The following PCDH1 variants were observed in gnomAD, a reference collection of about 807,000 sequenced individuals.
The protein encoded by PCDH1 is protocadherin 1, also known as protocadherin-1.
PCDH1 carries 23 observed loss-of-function variants against 74.6 expected under a neutral mutation model. The observed-to-expected ratio is 0.31, with a 90% CI of 0.22 to 0.44. PCDH1 has a LOEUF of 0.44. Among genes scored for constraint, PCDH1 ranks in the 20% least tolerant of loss-of-function variants. The pLI is 1.00. For synonymous variants in PCDH1, 647 were observed against 686.1 expected, an observed-to-expected ratio of 0.94 and a Z score of 0.89; for missense variants, 1,214 against 1,641.4, an observed-to-expected ratio of 0.74 and a Z score of 4.50.
At chr5:141,858,776 A>G (rs1596546701) in intron 3 of PCDH1, among the ~76,000 whole-genome samples, 3 of 152,202 alleles carry the variant, frequency 2.0e-5, no homozygotes, top group Non-Finnish European at 4.4e-5. Context: ...ATGAGTCTCT[A>G]AGCTCCTTCC....
Position 141,863,309 on chromosome 5 carries a change from C to T in PCDH1, c.3022G>A (p.Asp1008Asn). Residue 1008 changes from aspartate (D) to asparagine (N), a missense_variant, in exon 3 of 5, where the codon GAC becomes AAC. By Grantham distance (23) the Asp-to-Asn change is conservative (BLOSUM62 1). Transcript: ENST00000287008. The surrounding 1 kb of genome is among the most constrained non-coding windows in gnomAD (Gnocchi z 7.5). ...TGCTCAGAGCCCGTGGACGTGGTGT[C>T]CCCGGTGCCCACGAATGTGTTTGCA... ...PPANTFVGTG[D>N]TTSTGSEQYS... 1.3e-6 allele frequency: 2 copies of T among 1,559,164 alleles called. No individual in the cohort carries two copies. The highest frequency in any genetic ancestry group is 1.7e-6 in the Non-Finnish European group (2 of 1,151,826).
In PCDH1 at chr5:141,863,184, G is replaced by C; in HGVS notation, c.3099+48C>G. 1 of 1,515,626 alleles carries C rather than the reference G, an allele frequency of 6.6e-7. No individual in the cohort carries two copies. The highest frequency in any genetic ancestry group is 8.8e-7 in the Non-Finnish European group (1 of 1,130,656). The allele number at this position is 1,515,626 out of a possible 1,614,324, so 93.9% of individuals were successfully genotyped here. ...CCTCGGTCCAGATGGCTCCGTGGTAGGGGTGGGGTAGGGGCTGGGGTGTGC... is the reference window on the plus strand; with the variant it reads ...CCTCGGTCCAGATGGCTCCGTGGTACGGGTGGGGTAGGGGCTGGGGTGTGC... On this transcript the variant is annotated intron_variant, in intron 3 of 4. Transcript: ENST00000287008. This position sits in a 1 kb window ranked among gnomAD's most constrained non-coding sequence, Gnocchi z 7.5.
At chr5:141,854,546 C>A in intron 4 of PCDH1, 110 bp from the exon 5 acceptor site, 3 of 1,152,408 alleles carry the variant, frequency 2.6e-6, no homozygotes, top group Non-Finnish European at 3.6e-6. Context: ...GGAGTATGCG[C>A]CCCTTCCTGA....
At chr5:141,877,135 TG>T (rs1753261273) in intron 1 of PCDH1, among the ~76,000 whole-genome samples, 1 of 152,230 alleles carries the variant, frequency 6.6e-6, no homozygotes, top group South Asian at 2.1e-4. Context: ...TGCCTGAATC[TG>T]GACTCCGAGA....
At chr5:141,876,443 G>A (rs1753237369) in intron 1 of PCDH1, among the ~76,000 whole-genome samples, 2 of 152,218 alleles carry the variant, frequency 1.3e-5, no homozygotes, top group Admixed American at 1.3e-4. Context: ...CCGCGAACCC[G>A]GCTAGGCGGG....
chr5:141,863,670 C>A lies in PCDH1; in HGVS notation c.2661G>T (p.Gln887His). ...CRQREAKSGY[Q>H]AGKKETKDLY... ...GGTCCTTGGTCTCCTTCTTACCAGC[C>A]TGGTAACCACTTTTGGCCTCCCGCT... Residue 887 changes from glutamine to histidine, a missense_variant, in exon 3 of 5, where the codon CAG (glutamine) becomes CAT (histidine). By Grantham distance (24) the Gln-to-His change is conservative. Coordinates refer to ENST00000287008, the MANE Select transcript of PCDH1 (RefSeq NM_032420.5). This position sits in a 1 kb window ranked among gnomAD's most constrained non-coding sequence, Gnocchi z 7.5. The A allele has an allele frequency of 6.2e-7, 1 of 1,614,188 alleles. No homozygotes were observed. The highest frequency in any genetic ancestry group is 8.5e-7 in the Non-Finnish European group (1 of 1,180,014).
Position 141,869,190 on chromosome 5 carries a change from C to G in PCDH1, c.282G>C (p.Val94=). 1 of 1,614,018 alleles carries G rather than the reference C, an allele frequency of 6.2e-7. No individual in the cohort carries two copies. Among genetic ancestry groups the G allele is most frequent in the Non-Finnish European group, 8.5e-7 (1 of 1,179,978 alleles). ...CATCCACGCGAAGGTACGGGGCACC[C>G]ACCTCTAGCTTGTACAGGTGCCCCA... ...PDVGHLYKLE[V]GAPYLRVDGK... The change falls in exon 2 of 5, where the codon GTG becomes GTC. Residue 94 remains valine, a synonymous_variant. Coordinates refer to ENST00000287008, the MANE Select transcript of PCDH1 (RefSeq NM_032420.5). The surrounding 1 kb of genome is among the most constrained non-coding windows in gnomAD (Gnocchi z 4.9).
chr5:141,863,277 G>A lies in PCDH1; in HGVS notation c.3054C>T (p.Ser1018=), dbSNP rs149883982. ...GGGGGTTGGTGCGGTAGCTGTAGTC[G>A]GAGTACTGCTCAGAGCCCGTGGACG... The part of the protein sequence containing the change: ...DTTSTGSEQY[S]DYSYRTNPPK... The change falls in exon 3 of 5, where the codon TCC becomes TCT. Residue 1018 remains serine, a synonymous_variant. Transcript: ENST00000287008. This position sits in a 1 kb window ranked among gnomAD's most constrained non-coding sequence, Gnocchi z 7.5. 9.0e-5 allele frequency: 144 copies of A among 1,591,564 alleles called. No individual in the cohort carries two copies. Among genetic ancestry groups the A allele is most frequent in the Middle Eastern group, 8.4e-4 (5 of 5,944 alleles).
At chr5:141,858,766 A>C (rs1423310804) in intron 3 of PCDH1, among the ~76,000 whole-genome samples, 2 of 152,078 alleles carry the variant, frequency 1.3e-5, no homozygotes, top group Non-Finnish European at 2.9e-5. Context: ...GGCCCTGCTG[A>C]TGAGTCTCTA....
rs1297652207 is a variant in PCDH1 at position 141,865,291 on chromosome 5, C to T, written c.1040G>A (p.Arg347His). ...GLITVQGPVD[R>H]EDLSTLRFSV... ...GAAGCGCAGGGTGCTTAGGTCCTCA[C>T]GGTCCACCGGGCCCTGAACAGTGAT... The change falls in exon 3 of 5, where the codon CGT becomes CAT. Residue 347 changes from arginine (R) to histidine (H), a missense_variant. By Grantham distance (29) the Arg-to-His change is conservative (BLOSUM62 0). This residue lies in a region of PCDH1 where 836 missense variants were observed against 1,182.2 expected (regional missense o/e 0.71). Coordinates refer to ENST00000287008, the MANE Select transcript of PCDH1 (RefSeq NM_032420.5). The surrounding 1 kb of genome is among the most constrained non-coding windows in gnomAD (Gnocchi z 4.4). 28 of 1,614,090 alleles carry T rather than the reference C, an allele frequency of 1.7e-5. No individual in the cohort carries two copies. The highest frequency in any genetic ancestry group is 2.3e-5 in the Non-Finnish European group (27 of 1,180,050).
At chr5:141,854,861 G>A (rs1489812318) in intron 4 of PCDH1, among the ~76,000 whole-genome samples, 1 of 151,974 alleles carries the variant, frequency 6.6e-6, no homozygotes, top group Non-Finnish European at 1.5e-5. Flanking sequence ...TAGTAGAGAT[G>A]GGGTTTCACC....
At chr5:141,874,450 C>T (rs921667764) in intron 1 of PCDH1, among the ~76,000 whole-genome samples, 1 of 152,212 alleles carries the variant, frequency 6.6e-6, no homozygotes, top group South Asian at 2.1e-4. Flanking sequence ...GACATGGGCA[C>T]CCAGGACCCT....
chr5:141,864,852 C>T lies in PCDH1; in HGVS notation c.1479G>A (p.Lys493=), dbSNP rs1450006011. Residue 493 remains lysine (K), a synonymous_variant, in exon 3 of 5, where the codon AAG becomes AAA. Coordinates refer to ENST00000287008, the MANE Select transcript of PCDH1 (RefSeq NM_032420.5). The surrounding 1 kb of genome is among the most constrained non-coding windows in gnomAD (Gnocchi z 5.9). The part of the protein sequence containing the change: ...NPPLSSTNSL[K]VQVVDVNDNA... ...TGTCATTGACGTCCACCACCTGCAC[C>T]TTGAGGGAGTTAGTGCTGGAGAGTG... 4 of 1,614,198 alleles carry T rather than the reference C, an allele frequency of 2.5e-6. No homozygotes were observed. The highest frequency in any genetic ancestry group is 3.3e-5 in the Admixed American group (2 of 60,014).
intron 2 of PCDH1, chr5:141,866,065 GACTC>G (rs1481972123): frequency 2.0e-6 from 2 of 985,698 alleles, no homozygotes; most frequent in Non-Finnish European, 2.4e-6. Context: ...CATGAGTAAA[GACTC>G]ACATGCCCAT....
At position 141,867,719 on chromosome 5, in the gene PCDH1, C is replaced by T. The variant is rs942669518; in HGVS notation, c.903+850G>A. ...ATGGGTAATGGTGTCCAGGGCAGGCCGAGCCTCCTCAGCTCCCTCACATCA... is the reference window on the plus strand; with the variant it reads ...ATGGGTAATGGTGTCCAGGGCAGGCTGAGCCTCCTCAGCTCCCTCACATCA... On this transcript the variant is annotated intron_variant, in intron 2 of 4. Coordinates refer to ENST00000287008, the MANE Select transcript of PCDH1 (RefSeq NM_032420.5). 4.8e-5 allele frequency: 19 copies of T among 394,998 alleles called. No homozygotes were observed. The Middle Eastern group carries it at 1.7e-3, about 35-fold the overall frequency. 24.5% of individuals were successfully genotyped at this position (394,998 alleles called of 1,614,324 possible).
In PCDH1 at chr5:141,869,663, G is replaced by A; in HGVS notation, c.41-232C>T. 6.5e-7 allele frequency: 1 copy of A among 1,531,160 alleles called. No individual in the cohort carries two copies. The highest frequency in any genetic ancestry group is 8.7e-7 in the Non-Finnish European group (1 of 1,144,434). The allele number at this position is 1,531,160 out of a possible 1,614,324, so 94.8% of individuals were successfully genotyped here. ...GCTGGAGGAGCCAGTAAGAGGCCTG[G>A]CATGCCTAGAGCAGCTCCCGCCCAT... On this transcript the variant is annotated intron_variant, in intron 1 of 4. Coordinates refer to ENST00000287008, the MANE Select transcript of PCDH1 (RefSeq NM_032420.5). The surrounding 1 kb of genome is among the most constrained non-coding windows in gnomAD (Gnocchi z 4.9).
At chr5:141,862,630 C>A in intron 3 of PCDH1, 1 of 985,630 alleles carries the variant, frequency 1.0e-6, no homozygotes. Flanking sequence ...TCTCTCAGTT[C>A]CAGAAAATAA....
At chr5:141,875,887 GC>G (rs1305118692) in intron 1 of PCDH1, among the ~76,000 whole-genome samples, 1 of 151,320 alleles carries the variant, frequency 6.6e-6, no homozygotes, top group East Asian at 1.9e-4. Context: ...CTACTCCCGC[GC>G]CCCCCACCCC....
chr5:141,872,709 A>C (rs1753123774), intron 1 of PCDH1, among the ~76,000 whole-genome samples: 1 of 152,108 alleles, frequency 6.6e-6, no homozygotes, highest in South Asian at 2.1e-4. Context: ...CGCTCCCCAC[A>C]CGCTCTTTCT....
Sources: gnomAD v4.1 joint callset for allele counts (sites outside exome capture counted in the v4.1 genomes callset) on GRCh38, gnomAD v4.1.1 for gene constraint, gnomAD v4.1.1 regional missense constraint, Gnocchi (gnomAD v3.1) non-coding constraint, MANE v1.5 for transcripts, NCBI Gene and HGNC (gene_info 2026-07-23, HGNC 2026-07-21) for gene names.